The following TPMT variants were observed in gnomAD, a reference collection of about 807,000 sequenced individuals.
TPMT encodes thiopurine S-methyltransferase, also known as S-adenosyl-L-methionine:thiopurine S-methyltransferase.
In TPMT, 18 loss-of-function variants were observed where a neutral mutation model predicts 34.2. The ratio of observed to expected loss-of-function variants is 0.53; its 90% CI spans 0.36 to 0.78. The LOEUF is 0.78. Ranked by LOEUF, TPMT falls within the 30% of genes least tolerant of loss-of-function variation. TPMT has a pLI of 0.00. For missense variants in TPMT, 265 were observed against 288.1 expected (o/e 0.92, Z 0.58); for synonymous variants, 69 against 92.4 (o/e 0.75, Z 1.45).
At position 18,140,559 on chromosome 6, in the gene TPMT, C is replaced by T. The variant is rs1250008520; in HGVS notation, c.367-842G>A. Among the ~76,000 whole-genome samples the T allele has an allele frequency of 1.3e-5, 2 of 152,072 alleles. No individual in the cohort carries two copies. ...ATTAGATGGGTGTGGTGGCACACACCTGTAGTTCCAGCTACCTGGGAGGCT... is the reference window on the plus strand; with the variant it reads ...ATTAGATGGGTGTGGTGGCACACACTTGTAGTTCCAGCTACCTGGGAGGCT... On this transcript the variant is annotated intron_variant, in intron 4 of 8. Coordinates refer to ENST00000309983, the MANE Select transcript of TPMT (RefSeq NM_000367.5). This position sits in a 1 kb window ranked among gnomAD's most constrained non-coding sequence, Gnocchi z 4.7.
rs1425791905 is a variant in TPMT at position 18,145,752 on chromosome 6, A to T, written c.234-2024T>A. Among the ~76,000 whole-genome samples, 1 of 152,198 alleles carries T rather than the reference A, an allele frequency of 6.6e-6. No individual in the cohort carries two copies. The highest frequency in any genetic ancestry group is 1.9e-4 in the East Asian group (1 of 5,202). On this transcript the variant is annotated intron_variant, in intron 3 of 8. Transcript: ENST00000309983. This position sits in a 1 kb window ranked among gnomAD's most constrained non-coding sequence, Gnocchi z 5.6. ...AAATGTAAACAAAAACATTATTCAA[A>T]TTGGCTGTATGTGTTTTTATTTCCC... is the stretch of plus-strand genomic sequence containing the variant.
rs904437692 is a variant in TPMT at position 18,149,624 on chromosome 6, A to C, written c.-44-453T>G. On this transcript the variant is annotated intron_variant, in intron 1 of 8. Transcript: ENST00000309983. The surrounding 1 kb of genome is among the most constrained non-coding windows in gnomAD (Gnocchi z 5.0). Reference sequence around the variant, plus strand: ...AGGTACACACCACCACACCTGGTTAATTTTTGTATATATATATTTTTTAAT... The same window carrying C: ...AGGTACACACCACCACACCTGGTTACTTTTTGTATATATATATTTTTTAAT... 1.3e-5 allele frequency among the ~76,000 whole-genome samples: 2 copies of C among 151,832 alleles called. No homozygotes were observed. Among genetic ancestry groups the C allele is most frequent in the Admixed American group, 1.3e-4 (2 of 15,224 alleles).
rs1175977847 is a variant in TPMT, at chr6:18,146,298, C to A, written c.233+1525G>T. On this transcript the variant is annotated intron_variant, in intron 3 of 8. Transcript: ENST00000309983. The surrounding 1 kb of genome is among the most constrained non-coding windows in gnomAD (Gnocchi z 6.2). ...CATTGCAACCTCCGCCTCCTGGATT[C>A]AAGCAATTCTCCTGCTTCAGCTTCT... is the stretch of plus-strand genomic sequence containing the variant. 6.6e-6 allele frequency among the ~76,000 whole-genome samples: 1 copy of A among 152,100 alleles called. No homozygotes were observed. The highest frequency in any genetic ancestry group is 1.9e-4 in the East Asian group (1 of 5,178).
In TPMT at chr6:18,147,851, G is replaced by C. The variant is rs200591577; in HGVS notation, c.205C>G (p.Leu69Val). ...GKSGLRVFFP[L>V]CGKAVEMKWF... is the part of the protein sequence containing the mutation. ...TTCATCTCAACCGCTTTTCCGCAAA[G>C]AGGAAAAAATACCCTCAGTCCACTC... is the stretch of plus-strand genomic sequence containing the variant. The change falls in exon 3 of 9, where the codon CTT becomes GTT. Residue 69 changes from leucine to valine, a missense_variant. By Grantham distance (32) the Leu-to-Val change is conservative. Coordinates refer to ENST00000309983, the MANE Select transcript of TPMT (RefSeq NM_000367.5). 5.5e-5 allele frequency: 88 copies of C among 1,613,310 alleles called. No homozygotes were observed. Among genetic ancestry groups the C allele is most frequent in the Non-Finnish European group, 6.4e-5 (76 of 1,179,800 alleles).
intron 1 of TPMT, among the ~76,000 whole-genome samples, chr6:18,151,149 TTTACC>T (rs1465990980): frequency 6.6e-6 from 1 of 151,874 alleles, no homozygotes; most frequent in Non-Finnish European, 1.5e-5. Context: ...TTCTGAAAGA[TTTACC>T]TTAATTCTCA....
Position 18,153,974 on chromosome 6 carries a change from G to T in TPMT, c.-45+1059C>A, listed in dbSNP as rs972323576. Reference sequence around the variant, plus strand: ...GTCTCTCTCTATCCCCCAGGCTGGAGTGCAGTGGTGTAATGACACTTCCGT... The same window carrying T: ...GTCTCTCTCTATCCCCCAGGCTGGATTGCAGTGGTGTAATGACACTTCCGT... On this transcript the variant is annotated intron_variant, in intron 1 of 8. Transcript: ENST00000309983. This position sits in a 1 kb window ranked among gnomAD's most constrained non-coding sequence, Gnocchi z 4.2. Among the ~76,000 whole-genome samples, 6 of 152,148 alleles carry T rather than the reference G, an allele frequency of 3.9e-5. No homozygotes were observed. The highest frequency in any genetic ancestry group is 8.8e-5 in the Non-Finnish European group (6 of 68,028).
intron 1 of TPMT, among the ~76,000 whole-genome samples, chr6:18,151,899 TTTGC>T (rs1174960705): frequency 6.6e-6 from 1 of 152,146 alleles, no homozygotes; most frequent in African/African-American, 2.4e-5. Context: ...CAGCATCCAG[TTTGC>T]TGTATTCAAT....
chr6:18,151,936 C>T (rs1050283091), intron 1 of TPMT, among the ~76,000 whole-genome samples: 1 of 152,168 alleles, frequency 6.6e-6, no homozygotes, highest in African/African-American at 2.4e-5. Flanking sequence ...TTCCTGTATA[C>T]TCCCATGCTC....
At position 18,131,514 on chromosome 6, in the gene TPMT, G is replaced by A. The variant is rs147054022; in HGVS notation, c.625+619C>T. On this transcript the variant is annotated intron_variant, in intron 8 of 8. Transcript: ENST00000309983. This position sits in a 1 kb window ranked among gnomAD's most constrained non-coding sequence, Gnocchi z 4.3. ...AGGATCACTTGTGCCCAGGGAGGTCGAGGCTGCAGTGAGCTGTGATTGCAC... is the reference window on the plus strand; with the variant it reads ...AGGATCACTTGTGCCCAGGGAGGTCAAGGCTGCAGTGAGCTGTGATTGCAC... 1.5e-3 allele frequency among the ~76,000 whole-genome samples: 226 copies of A among 152,208 alleles called. 1 individual carries two copies. Among genetic ancestry groups the A allele is most frequent in the Middle Eastern group, 0.014 (4 of 294 alleles).
chr6:18,129,355 A>G lies in TPMT; in HGVS notation c.*1313T>C, dbSNP rs1306241609. The G allele has an allele frequency of 3.3e-5, 5 of 152,218 alleles. No homozygotes were observed. The highest frequency in any genetic ancestry group is 7.3e-5 in the Non-Finnish European group (5 of 68,040). 9.4% of individuals were successfully genotyped at this position (152,218 alleles called of 1,614,324 possible). ...GGGGAACTAGAGAGGCTGACAAGAC[A>G]TATCTCTGGGGAGAGTACCGTAGCT... is the stretch of plus-strand genomic sequence containing the variant. On this transcript the variant is annotated 3_prime_UTR_variant, in exon 9 of 9. Transcript: ENST00000309983.
At position 18,139,741 on chromosome 6, in the gene TPMT, A is replaced by ATT; in HGVS notation, c.367-25_367-24insAA. ...CTCTGTAATGAAATAATGAAAAAAA[A>ATT]ATTTTTTTTTTTTACTTAGTAAGTA... On this transcript the variant is annotated intron_variant, in intron 4 of 8. Transcript: ENST00000309983. The surrounding 1 kb of genome is among the most constrained non-coding windows in gnomAD (Gnocchi z 4.2). The ATT allele has an allele frequency of 2.1e-6, 3 of 1,408,366 alleles. No individual in the cohort carries two copies. Among genetic ancestry groups the ATT allele is most frequent in the Middle Eastern group, 1.9e-4 (1 of 5,170 alleles). The allele number at this position is 1,408,366 out of a possible 1,614,324, so 87.2% of individuals were successfully genotyped here.
In TPMT at chr6:18,153,133, A is replaced by G. The variant is rs1209375304; in HGVS notation, c.-45+1900T>C. On this transcript the variant is annotated intron_variant, in intron 1 of 8. Coordinates refer to ENST00000309983, the MANE Select transcript of TPMT (RefSeq NM_000367.5). This position sits in a 1 kb window ranked among gnomAD's most constrained non-coding sequence, Gnocchi z 4.2. ...TGTATATTTGGCCACCTTCCTCAGCATAAATTCCTGTTCCCTTTGCCCCTC... is the reference window on the plus strand; with the variant it reads ...TGTATATTTGGCCACCTTCCTCAGCGTAAATTCCTGTTCCCTTTGCCCCTC... 6.6e-6 allele frequency among the ~76,000 whole-genome samples: 1 copy of G among 152,208 alleles called. No individual in the cohort carries two copies. Among genetic ancestry groups the G allele is most frequent in the African/African-American group, 2.4e-5 (1 of 41,466 alleles).
chr6:18,151,184 C>CTTTTTT (rs55751001), intron 1 of TPMT, among the ~76,000 whole-genome samples: 2 of 130,360 alleles, frequency 1.5e-5, no homozygotes, highest in Non-Finnish European at 1.6e-5. Context: ...CTTCTTCTCT[C>CTTTTTT]TTTTTTTTTT....
In TPMT at chr6:18,129,790, T is replaced by C. The variant is rs1783901778; in HGVS notation, c.*878A>G. Reference sequence around the variant, plus strand: ...AGATTGTTTAATTAAAATGTATTTGTTTCTTGATTCTGTTACAGATTGTTT... The same window carrying C: ...AGATTGTTTAATTAAAATGTATTTGCTTCTTGATTCTGTTACAGATTGTTT... On this transcript the variant is annotated 3_prime_UTR_variant, in exon 9 of 9. Transcript: ENST00000309983. 6.6e-6 allele frequency: 1 copy of C among 152,220 alleles called. No homozygotes were observed. The highest frequency in any genetic ancestry group is 2.1e-4 in the South Asian group (1 of 4,828). 9.4% of individuals were successfully genotyped at this position (152,220 alleles called of 1,614,324 possible).
rs919977203 is a variant in TPMT, at chr6:18,149,812, G to A, written c.-44-641C>T. Among the ~76,000 whole-genome samples, 2 of 152,076 alleles carry A rather than the reference G, an allele frequency of 1.3e-5. No individual in the cohort carries two copies. The highest frequency in any genetic ancestry group is 2.1e-4 in the South Asian group (1 of 4,820). ...GATAACAAAAAATTACTTTCAGTGC[G>A]TCTGGTGGTAGAATAATACCCCTTA... is the stretch of plus-strand genomic sequence containing the variant. On this transcript the variant is annotated intron_variant, in intron 1 of 8. Transcript: ENST00000309983. This position sits in a 1 kb window ranked among gnomAD's most constrained non-coding sequence, Gnocchi z 5.0.
At position 18,149,105 on chromosome 6, in the gene TPMT, A is replaced by G; in HGVS notation, c.23T>C (p.Leu8Pro). 1.2e-6 allele frequency: 2 copies of G among 1,614,062 alleles called. No individual in the cohort carries two copies. Among genetic ancestry groups the G allele is most frequent in the Non-Finnish European group, 1.7e-6 (2 of 1,179,992 alleles). Reference protein sequence around the residue: MDGTRTSLDIEEYSDTEV... With the variant: MDGTRTSPDIEEYSDTEV... ...AGTATCCGAGTACTCTTCAATGTCA[A>G]GTGAAGTTCTTGTACCATCCATAGT... The change falls in exon 2 of 9, where the codon CTT becomes CCT. Residue 8 changes from leucine to proline, a missense_variant. Physicochemically the swap from Leu to Pro is moderately conservative, Grantham distance 98. Coordinates refer to ENST00000309983, the MANE Select transcript of TPMT (RefSeq NM_000367.5). This position sits in a 1 kb window ranked among gnomAD's most constrained non-coding sequence, Gnocchi z 5.0.
intron 6 of TPMT, among the ~76,000 whole-genome samples, chr6:18,134,743 T>C (rs1784011802): frequency 6.6e-6 from 1 of 152,164 alleles, no homozygotes; most frequent in Non-Finnish European, 1.5e-5. Flanking sequence ...GCTTTTGTAT[T>C]GTATGGTGGT....
In TPMT at chr6:18,149,236, G is replaced by A. The variant is rs1447505514; in HGVS notation, c.-44-65C>T. 1 of 1,351,470 alleles carries A rather than the reference G, an allele frequency of 7.4e-7. No individual in the cohort carries two copies. The highest frequency in any genetic ancestry group is 1.7e-5 in the Admixed American group (1 of 58,880). 83.7% of individuals were successfully genotyped at this position (1,351,470 alleles called of 1,614,324 possible). ...TTGGAATTCTATTGATGAACTAAAT[G>A]AAAACCTATTATTCTTAGCAGTATG... is the stretch of plus-strand genomic sequence containing the variant. On this transcript the variant is annotated intron_variant, in intron 1 of 8. Transcript: ENST00000309983. This position sits in a 1 kb window ranked among gnomAD's most constrained non-coding sequence, Gnocchi z 5.0.
chr6:18,130,901 G>C lies in TPMT; in HGVS notation c.626-121C>G. 1 of 716,812 alleles carries C rather than the reference G, an allele frequency of 1.4e-6. No homozygotes were observed. 44.4% of individuals were successfully genotyped at this position (716,812 alleles called of 1,614,324 possible). ...CACCTGTAATCCCAACACTTTGGGA[G>C]GCCGAGGCAGGTGGATCACTTGAGG... On this transcript the variant is annotated intron_variant, in intron 8 of 8. Transcript: ENST00000309983. The surrounding 1 kb of genome is among the most constrained non-coding windows in gnomAD (Gnocchi z 4.2).
Sources: allele counts gnomAD v4.1 joint callset (sites outside exome capture counted in the v4.1 genomes callset), GRCh38; gene constraint gnomAD v4.1.1; non-coding constraint Gnocchi (gnomAD v3.1); transcripts MANE v1.5; gene names NCBI Gene and HGNC (gene_info 2026-07-23, HGNC 2026-07-21).